The following ADAM12 variants were observed in gnomAD, a reference collection of about 807,000 sequenced individuals.
The protein encoded by ADAM12 is ADAM metallopeptidase domain 12.
ADAM12 carries 70 observed loss-of-function variants against 106.4 expected under a neutral mutation model. The observed-to-expected ratio is 0.66, with a 90% CI of 0.54 to 0.80. The LOEUF is 0.80. ADAM12 is among the 30% of genes least tolerant of loss of function. The pLI is 0.00. For missense variants in ADAM12, 1,010 were observed against 1,171.9 expected (o/e 0.86, Z 2.02); for synonymous variants, 420 against 433.5 (o/e 0.97, Z 0.39).
intron 5 of ADAM12, among the ~76,000 whole-genome samples, chr10:126,123,478 G>C (rs924125275): frequency 2.0e-5 from 3 of 152,204 alleles, no homozygotes; most frequent in African/African-American, 4.8e-5. Context: ...AGCGACAGGA[G>C]GAGGCCGGCC....
chr10:126,249,684 A>G (rs1248614987), intron 3 of ADAM12, among the ~76,000 whole-genome samples: 1 of 152,068 alleles, frequency 6.6e-6, no homozygotes, highest in African/African-American at 2.4e-5. Flanking sequence ...AGTCTGCCAG[A>G]CTCCGTCTCA....
chr10:126,097,438 G>A (rs1383685250), intron 10 of ADAM12, among the ~76,000 whole-genome samples: 3 of 152,218 alleles, frequency 2.0e-5, no homozygotes, highest in Non-Finnish European at 4.4e-5. Context: ...ACAGAAGAGG[G>A]AAATGTTGGT....
At position 126,049,988 on chromosome 10, in the gene ADAM12, G is replaced by GTGGCTAGGTGGC; in HGVS notation, c.1610-320_1610-319insGCCACCTAGCCA. On this transcript the variant is annotated intron_variant, in intron 14 of 22. Transcript: ENST00000448723. The surrounding 1 kb of genome is among the most constrained non-coding windows in gnomAD (Gnocchi z 4.4). ...AGATCTGATCCAGGGCAGAAAGGAG[G>GTGGCTAGGTGGC]TGGCTGGCTGGCTGGCTGGCTGGCT... 6.7e-6 allele frequency among the ~76,000 whole-genome samples: 1 copy of GTGGCTAGGTGGC among 149,948 alleles called. No individual in the cohort carries two copies. Among genetic ancestry groups the GTGGCTAGGTGGC allele is most frequent in the South Asian group, 2.2e-4 (1 of 4,648 alleles).
rs1954312198 is a variant in ADAM12, at chr10:126,046,145, G to C, written c.1918-13C>G. On this transcript the variant is annotated splice_polypyrimidine_tract_variant and intron_variant, in intron 16 of 22. Coordinates refer to ENST00000448723, the MANE Select transcript of ADAM12 (RefSeq NM_001288973.2). The stretch of plus-strand genomic sequence containing the variant: ...GATTCAGGCAGATCTGTAGGAGGAG[G>C]AAAACACAGCAAATCTCTTAGTATT... 1.9e-6 allele frequency: 3 copies of C among 1,609,384 alleles called. No homozygotes were observed. In the East Asian group the frequency reaches 6.7e-5, roughly 36 times the overall value.
intron 1 of ADAM12, among the ~76,000 whole-genome samples, chr10:126,349,457 A>T (rs1016004506): frequency 6.6e-6 from 1 of 152,224 alleles, no homozygotes; most frequent in South Asian, 2.1e-4. Flanking sequence ...GCTCAACAAC[A>T]AATGATGTAT....
intron 1 of ADAM12, among the ~76,000 whole-genome samples, chr10:126,347,052 T>C (rs1361780334): frequency 6.6e-6 from 1 of 152,224 alleles, no homozygotes; most frequent in Non-Finnish European, 1.5e-5. Flanking sequence ...TGTGTGAATT[T>C]GATCCTGTCA....
In ADAM12 at chr10:126,313,856, C is replaced by T. The variant is rs375727872; in HGVS notation, c.186+16556G>A. Among the ~76,000 whole-genome samples the T allele has an allele frequency of 1.6e-4, 24 of 152,156 alleles. 1 individual carries two copies. The highest frequency in any genetic ancestry group is 5.9e-4 in the Admixed American group (9 of 15,274). The stretch of plus-strand genomic sequence containing the variant: ...TAAACAGATAAAGAAAATGGTGAGG[C>T]AGAGCGTGGAAGAAACAAAGAATAA... On this transcript the variant is annotated intron_variant, in intron 2 of 22. Transcript: ENST00000448723.
chr10:126,265,453 C>T (rs1474415713), intron 3 of ADAM12, among the ~76,000 whole-genome samples: 4 of 152,128 alleles, frequency 2.6e-5, no homozygotes, highest in Non-Finnish European at 4.4e-5. Context: ...GCAGACTTTT[C>T]TAATGGAAGC....
chr10:126,019,868 C>T (rs764765501), intron 21 of ADAM12, 43 bp from the exon 22 acceptor site: 91 of 1,563,758 alleles, frequency 5.8e-5, no homozygotes, highest in Non-Finnish European at 6.9e-5. Flanking sequence ...TACCAGGAGC[C>T]AGCAGAGGCC....
At chr10:126,029,980 T>G (rs1225051846) in intron 21 of ADAM12, among the ~76,000 whole-genome samples, 4 of 152,198 alleles carry the variant, frequency 2.6e-5, no homozygotes, top group Admixed American at 6.5e-5. Context: ...GCACAGCAAT[T>G]GTGCTTTCAG....
At chr10:126,341,081 A>T (rs1311676561) in intron 1 of ADAM12, among the ~76,000 whole-genome samples, 1 of 151,888 alleles carries the variant, frequency 6.6e-6, no homozygotes, top group Admixed American at 6.6e-5. Context: ...CATGCCCCCA[A>T]ACCTTGTTAT....
At chr10:126,099,017 G>A (rs1166768447) in intron 9 of ADAM12, among the ~76,000 whole-genome samples, 2 of 152,192 alleles carry the variant, frequency 1.3e-5, no homozygotes, top group East Asian at 3.9e-4. Context: ...CAACCCTGGA[G>A]CCGGTGTAGA....
At chr10:126,334,038 G>A (rs549447235) in intron 1 of ADAM12, among the ~76,000 whole-genome samples, 45 of 152,224 alleles carry the variant, frequency 3.0e-4, no homozygotes, top group African/African-American at 1.0e-3. Flanking sequence ...TCAGAAGACC[G>A]TTTCTTATGA....
rs541725641 is a variant in ADAM12, at chr10:126,076,795, T to C, written c.1146-5141A>G. 3.8e-4 allele frequency among the ~76,000 whole-genome samples: 58 copies of C among 152,352 alleles called. 1 individual carries two copies. The South Asian group carries it at 0.011, about 29-fold the overall frequency. On this transcript the variant is annotated intron_variant, in intron 11 of 22. Transcript: ENST00000448723. Reference sequence around the variant, plus strand: ...CATAGTTTGTGAATATTTTCTCCCATTCTGTAGGCTGTCTGTTGGTAATTT... The same window carrying C: ...CATAGTTTGTGAATATTTTCTCCCACTCTGTAGGCTGTCTGTTGGTAATTT...
In ADAM12 at chr10:126,257,478, T is replaced by A. The variant is rs193068690; in HGVS notation, c.260+21437A>T. ...GAGGAACTTCTCAAGCATGTGATAA[T>A]CTATTCTTTTCACCAACTTTCTCAG... On this transcript the variant is annotated intron_variant, in intron 3 of 22. Transcript: ENST00000448723. 3.2e-3 allele frequency among the ~76,000 whole-genome samples: 487 copies of A among 152,344 alleles called. 3 individuals are homozygous for A. The highest frequency in any genetic ancestry group is 0.011 in the African/African-American group (460 of 41,584).
At chr10:126,373,955 C>A (rs1296083322) in intron 1 of ADAM12, among the ~76,000 whole-genome samples, 1 of 152,188 alleles carries the variant, frequency 6.6e-6, no homozygotes, top group African/African-American at 2.4e-5. Context: ...AGAACTCTAG[C>A]TAGATCCTTG....
chr10:126,123,853 C>A (rs754981080), intron 5 of ADAM12, among the ~76,000 whole-genome samples: 2 of 152,156 alleles, frequency 1.3e-5, no homozygotes, highest in Non-Finnish European at 2.9e-5. Context: ...AAAATGGAGC[C>A]GCTGCTTTGA....
chr10:126,234,808 C>T (rs919727516), intron 3 of ADAM12, among the ~76,000 whole-genome samples: 10 of 152,226 alleles, frequency 6.6e-5, no homozygotes, highest in African/African-American at 1.2e-4. Context: ...CCAACGCTCA[C>T]ACCAGGCAAT....
At chr10:126,098,035 T>C (rs1955589565) in intron 10 of ADAM12, among the ~76,000 whole-genome samples, 1 of 152,120 alleles carries the variant, frequency 6.6e-6, no homozygotes, top group South Asian at 2.1e-4. Context: ...CAGAAAACCA[T>C]CCAAACGGGA....
Sources: allele counts gnomAD v4.1 joint callset (sites outside exome capture counted in the v4.1 genomes callset), GRCh38; gene constraint gnomAD v4.1.1; non-coding constraint Gnocchi (gnomAD v3.1); transcripts MANE v1.5; gene names NCBI Gene and HGNC (gene_info 2026-07-23, HGNC 2026-07-21).